Variants in TMEM248 observed in about 807,000 individuals in gnomAD.
TMEM248 encodes UPF0458 protein C7orf42.
In TMEM248, 9 loss-of-function variants were observed where a neutral mutation model predicts 30.3. That is an observed-to-expected ratio of 0.30 (90% confidence interval 0.18 to 0.52). The LOEUF (loss-of-function observed/expected upper bound fraction) is 0.52, where lower values mean the gene tolerates loss of function less well. Among genes scored for constraint, TMEM248 ranks in the 20% least tolerant of loss-of-function variants. The probability of loss-of-function intolerance (pLI) is 0.97; values close to 1 mark genes in which losing one functional copy is unlikely to be tolerated. For missense variants in TMEM248, 338 were observed against 403.3 expected, an observed-to-expected ratio of 0.84 and a Z score of 1.39; for synonymous variants, 184 against 154.4, an observed-to-expected ratio of 1.19 and a Z score of -1.42.
At chr7:66,940,399 G>A (rs1428144511) in intron 1 of TMEM248, among the ~76,000 whole-genome samples, 1 of 152,158 alleles carries the variant, frequency 6.6e-6, no homozygotes, top group Non-Finnish European at 1.5e-5. Context: ...AAGTGCAAAC[G>A]TTAACACTGA....
Position 66,952,420 on chromosome 7 carries a change from C to T in TMEM248, c.781-806C>T, listed in dbSNP as rs114713613. Among the ~76,000 whole-genome samples the T allele has an allele frequency of 1.8e-3, 269 of 152,298 alleles. 2 individuals carry two copies. The highest frequency in any genetic ancestry group is 6.0e-3 in the African/African-American group (248 of 41,572). On this transcript the variant is annotated intron_variant, in intron 5 of 6. Coordinates refer to ENST00000341567, the MANE Select transcript of TMEM248 (RefSeq NM_017994.5). ...TTTGTAGGCCAGGGTCCTGCAGGAG[C>T]CAGCTATGGAGGTCAGGCTGGATGG...
At chr7:66,935,798 C>T (rs1791786840) in intron 1 of TMEM248, among the ~76,000 whole-genome samples, 1 of 152,188 alleles carries the variant, frequency 6.6e-6, no homozygotes. Flanking sequence ...CCTGCCTTGG[C>T]CTCCCAAAGT....
At chr7:66,927,125 T>C (rs1005032731) in intron 1 of TMEM248, among the ~76,000 whole-genome samples, 50 of 152,210 alleles carry the variant, frequency 3.3e-4, no homozygotes, top group Admixed American at 3.3e-3. Flanking sequence ...TTGGCAATTA[T>C]TTAAAAAACT....
chr7:66,930,124 C>G (rs1282890989), intron 1 of TMEM248, among the ~76,000 whole-genome samples: 1 of 152,160 alleles, frequency 6.6e-6, no homozygotes, highest in Non-Finnish European at 1.5e-5. Flanking sequence ...CCACTGCACT[C>G]TAGCCTGGGC....
intron 1 of TMEM248, among the ~76,000 whole-genome samples, chr7:66,928,902 C>T (rs956051319): frequency 2.0e-5 from 3 of 152,182 alleles, no homozygotes; most frequent in African/African-American, 7.2e-5. Flanking sequence ...ATCCCTCCAC[C>T]TCAGCCTCCC....
At chr7:66,925,006 G>T (rs1422468894) in intron 1 of TMEM248, among the ~76,000 whole-genome samples, 1 of 152,006 alleles carries the variant, frequency 6.6e-6, no homozygotes, top group African/African-American at 2.4e-5. Context: ...ACCAGCCCCG[G>T]CCCTATTTTT....
chr7:66,946,077 T>A (rs1172669518), intron 3 of TMEM248, among the ~76,000 whole-genome samples: 1 of 139,432 alleles, frequency 7.2e-6, no homozygotes, highest in Non-Finnish European at 1.5e-5. Context: ...AGAGGGAGAC[T>A]CTCTCTCCAA....
chr7:66,955,704 G>A lies in TMEM248; in HGVS notation c.*182G>A. 2 of 784,932 alleles carry A rather than the reference G, an allele frequency of 2.5e-6. No individual in the cohort carries two copies. Among genetic ancestry groups the A allele is most frequent in the Non-Finnish European group, 3.9e-6 (2 of 508,944 alleles). The allele number at this position is 784,932 out of a possible 1,614,324, so 48.6% of individuals were successfully genotyped here. A position where few individuals can be genotyped will look rare whatever the true frequency, so the allele number is the denominator to read the frequency against. On this transcript the variant is annotated 3_prime_UTR_variant, in exon 7 of 7. Transcript: ENST00000341567. ...ATTTATAAAAATCTATTCAGAAATT[G>A]GTCCAATAATGCACGTGCTTTGCCC...
intron 1 of TMEM248, among the ~76,000 whole-genome samples, chr7:66,933,531 T>C (rs558089408): frequency 6.6e-6 from 1 of 152,374 alleles, no homozygotes; most frequent in East Asian, 1.9e-4. Context: ...AGATAAAATA[T>C]GCCAGATTTT....
intron 5 of TMEM248, among the ~76,000 whole-genome samples, chr7:66,952,088 T>A (rs898274987): frequency 6.6e-6 from 1 of 152,084 alleles, no homozygotes; most frequent in Non-Finnish European, 1.5e-5. Flanking sequence ...TATTTTAATT[T>A]TTTTTTATTT....
chr7:66,947,443 C>T (rs1178854722), intron 3 of TMEM248, among the ~76,000 whole-genome samples: 1 of 152,060 alleles, frequency 6.6e-6, no homozygotes, highest in Non-Finnish European at 1.5e-5. Flanking sequence ...CACTCTGTCG[C>T]CCAGGTTGGA....
At chr7:66,936,902 ATT>A (rs952976137) in intron 1 of TMEM248, among the ~76,000 whole-genome samples, 1 of 151,420 alleles carries the variant, frequency 6.6e-6, no homozygotes, top group Non-Finnish European at 1.5e-5. Context: ...GATCTTTTAT[ATT>A]TTTTTGTTTC....
In TMEM248 at chr7:66,944,978, T is replaced by C; in HGVS notation, c.162T>C (p.Asp54=). 3.7e-6 allele frequency: 6 copies of C among 1,613,788 alleles called. No homozygotes were observed. The highest frequency in any genetic ancestry group is 1.3e-5 in the African/African-American group (1 of 75,038). ...KEIKSPEMAE[D]WNTFLLRFND... ...CTCTTTCTTTCACTTTCCCAAAGGA[T>C]TGGAATACTTTTCTGCTACGGTTCA... is the stretch of plus-strand genomic sequence containing the variant. The change falls in exon 3 of 7, where the codon GAT becomes GAC. Residue 54 remains aspartate (D), a splice_region_variant and synonymous_variant. Transcript: ENST00000341567.
At chr7:66,932,364 T>C (rs990839228) in intron 1 of TMEM248, among the ~76,000 whole-genome samples, 1 of 152,224 alleles carries the variant, frequency 6.6e-6, no homozygotes, top group Admixed American at 6.5e-5. Flanking sequence ...TCTTGCAACC[T>C]GTGGGTTGCT....
intron 1 of TMEM248, among the ~76,000 whole-genome samples, chr7:66,923,127 A>T (rs1038562075): frequency 4.0e-5 from 6 of 151,846 alleles, no homozygotes; most frequent in Admixed American, 3.3e-4. Context: ...GGATTTTGTT[A>T]TGGTTAGGAT....
At chr7:66,951,350 T>C in intron 5 of TMEM248, 2 of 417,082 alleles carry the variant, frequency 4.8e-6, no homozygotes, top group Non-Finnish European at 8.3e-6. Flanking sequence ...GTTTTTCTCT[T>C]CATTTTCTCT....
rs1008781858 is a variant in TMEM248 at position 66,950,948 on chromosome 7, G to T, written c.597-4G>T. The T allele has an allele frequency of 9.7e-6, 15 of 1,554,390 alleles. No homozygotes were observed. Among genetic ancestry groups the T allele is most frequent in the African/African-American group, 4.1e-5 (3 of 73,050 alleles). The stretch of plus-strand genomic sequence containing the variant: ...GTGTCTTTCCTCCTCCTCTTCTCCT[G>T]CAGACAGCCACCGCACTGTGTTCCT... On this transcript the variant is annotated splice_region_variant and splice_polypyrimidine_tract_variant and intron_variant, in intron 4 of 6. Coordinates refer to ENST00000341567, the MANE Select transcript of TMEM248 (RefSeq NM_017994.5).
At chr7:66,953,949 T>C (rs1792337240) in intron 6 of TMEM248, among the ~76,000 whole-genome samples, 1 of 142,102 alleles carries the variant, frequency 7.0e-6, no homozygotes, top group African/African-American at 2.6e-5. Context: ...CTTTTTTTTT[T>C]TTTTTTTTTT....
At chr7:66,950,223 A>G (rs1481948270) in intron 4 of TMEM248, among the ~76,000 whole-genome samples, 1 of 152,082 alleles carries the variant, frequency 6.6e-6, no homozygotes, top group Admixed American at 6.6e-5. Context: ...CTCAAAAAAA[A>G]AAAAAAAGAT....
Sources: gnomAD v4.1 joint callset for allele counts (sites outside exome capture counted in the v4.1 genomes callset) on GRCh38, gnomAD v4.1.1 for gene constraint, MANE v1.5 for transcripts, NCBI Gene and HGNC (gene_info 2026-07-23, HGNC 2026-07-21) for gene names.